IPO8: variants seen among roughly 807,000 people sequenced by gnomAD.
The protein encoded by IPO8 is importin 8, also known as importin-8.
Under a neutral mutation model 141.2 loss-of-function variants are expected in IPO8, and 65 were observed. The observed-to-expected ratio is 0.46, with a 90% CI of 0.38 to 0.57. The LOEUF is 0.57. Among genes scored for constraint, IPO8 ranks in the 20% least tolerant of loss-of-function variants. The probability of loss-of-function intolerance (pLI) is 0.00; values close to 1 mark genes in which losing one functional copy is unlikely to be tolerated. For missense variants in IPO8, 980 were observed against 1,246.8 expected (o/e 0.79, Z 3.22); for synonymous variants, 411 against 420.3 (o/e 0.98, Z 0.27).
At chr12:30,668,835 C>A (rs1465155448) in intron 10 of IPO8, among the ~76,000 whole-genome samples, 17 of 152,144 alleles carry the variant, frequency 1.1e-4, no homozygotes, top group Admixed American at 1.1e-3. Context: ...ATGCAGAAAT[C>A]CAAAGTATTT....
intron 1 of IPO8, chr12:30,694,997 A>C (rs1311760336): frequency 8.8e-6 from 4 of 456,062 alleles, no homozygotes; most frequent in South Asian, 6.2e-5. Flanking sequence ...TCTTAGATAA[A>C]GCAGTATCAC....
Position 30,695,599 on chromosome 12 carries a change from T to G in IPO8, c.49A>C (p.Lys17Gln). 4 of 1,614,046 alleles carry G rather than the reference T, an allele frequency of 2.5e-6. No homozygotes were observed. The highest frequency in any genetic ancestry group is 3.4e-6 in the Non-Finnish European group (4 of 1,179,944). The change falls in exon 1 of 25, where the codon AAG becomes CAG. Residue 17 changes from lysine to glutamine, a missense_variant. Around this residue, in one of 3 missense-constraint regions of IPO8, gnomAD observed 40 missense variants for 46.3 expected, o/e 0.86. Coordinates refer to ENST00000256079, the MANE Select transcript of IPO8 (RefSeq NM_006390.4). The surrounding 1 kb of genome is among the most constrained non-coding windows in gnomAD (Gnocchi z 4.2). ...TCGTTCTCGGCTGCAATCCGCAACT[T>G]CGGGTCGATGGTGCCCTTCAGCGCC... ...IQALKGTIDP[K>Q]LRIAAENELN... is the part of the protein sequence containing the mutation.
At chr12:30,641,455 A>G (rs2052572643) in intron 20 of IPO8, among the ~76,000 whole-genome samples, 4 of 149,422 alleles carry the variant, frequency 2.7e-5, no homozygotes, top group Admixed American at 2.7e-4. Flanking sequence ...AACTGTGTCT[A>G]TGGTTCCCAT....
At chr12:30,665,620 A>G in intron 12 of IPO8, 109 bp downstream of exon 12, 1 of 698,130 alleles carries the variant, frequency 1.4e-6, no homozygotes, top group East Asian at 2.7e-5. Context: ...TTGTGAACTC[A>G]ATTATCCAGA....
Position 30,637,118 on chromosome 12 carries a change from T to A in IPO8, c.2559A>T (p.Ala853=). The A allele has an allele frequency of 6.2e-7, 1 of 1,613,990 alleles. No homozygotes were observed. The highest frequency in any genetic ancestry group is 8.5e-7 in the Non-Finnish European group (1 of 1,179,962). The change falls in exon 22 of 25, where the codon GCA becomes GCT. Residue 853 remains alanine (A), a synonymous_variant. Transcript: ENST00000256079. ...CAATCTGTCCCACCACAGCATCTAC[T>A]GCAGGAGGTCGATTTTGCAATTCCA... ...ILLELQNRPP[A]VDAVVGQIVP...
Position 30,695,469 on chromosome 12 carries a change from G to A in IPO8, c.84+95C>T, listed in dbSNP as rs547719685. On this transcript the variant is annotated intron_variant, in intron 1 of 24. Transcript: ENST00000256079. This position sits in a 1 kb window ranked among gnomAD's most constrained non-coding sequence, Gnocchi z 4.2. The stretch of plus-strand genomic sequence containing the variant: ...GTGAGGCGTCAGCCCCAGCCCGGTG[G>A]GGGTGAGGACGAGGGGCGCCGGGGA... The A allele has an allele frequency of 6.4e-5, 70 of 1,092,798 alleles. 1 individual carries two copies. The Admixed American group carries it at 1.1e-3, about 17-fold the overall frequency. 67.7% of individuals were successfully genotyped at this position (1,092,798 alleles called of 1,614,324 possible).
At chr12:30,662,771 C>T (rs1169827266) in intron 14 of IPO8, among the ~76,000 whole-genome samples, 2 of 152,164 alleles carry the variant, frequency 1.3e-5, no homozygotes, top group Non-Finnish European at 2.9e-5. Context: ...TCTAATTATA[C>T]ATACACTTGG....
chr12:30,664,130 A>G (rs2052927959), intron 13 of IPO8, among the ~76,000 whole-genome samples: 1 of 152,180 alleles, frequency 6.6e-6, no homozygotes, highest in Admixed American at 6.5e-5. Context: ...ATTAGACCAC[A>G]GAATCATTAT....
At chr12:30,637,880 A>G (rs573885463) in intron 21 of IPO8, among the ~76,000 whole-genome samples, 1 of 152,362 alleles carries the variant, frequency 6.6e-6, no homozygotes, top group Non-Finnish European at 1.5e-5. Flanking sequence ...GTGAATAAAA[A>G]ATTCACTTGC....
chr12:30,637,018 G>A lies in IPO8; in HGVS notation c.2659C>T (p.Arg887Cys), dbSNP rs144980917. Residue 887 changes from arginine to cysteine, a missense_variant, in exon 22 of 25, where the codon CGT (arginine) becomes TGT (cysteine). Physicochemically the swap from Arg to Cys is radical, Grantham distance 180. Transcript: ENST00000256079. ...ATRQLVNRED[R>C]SKAEKADMEE... ...ATATCAGCTTTCTCTGCTTTTGAAC[G>A]ATCTTCCCGGTTTACCAGTTGTCTA... The A allele has an allele frequency of 3.5e-5, 57 of 1,613,938 alleles. No individual in the cohort carries two copies. The African/African-American group carries it at 5.7e-4, about 16-fold the overall frequency.
chr12:30,683,086 C>CA (rs2053205258), intron 3 of IPO8, among the ~76,000 whole-genome samples: 1 of 152,162 alleles, frequency 6.6e-6, no homozygotes, highest in Admixed American at 6.6e-5. Context: ...AGTCCTTTCT[C>CA]ATTCCAAGCA....
At chr12:30,632,036 C>T in intron 23 of IPO8, 25 bp from the exon 24 acceptor site, 1 of 1,453,634 alleles carries the variant, frequency 6.9e-7, no homozygotes, top group South Asian at 1.1e-5. Flanking sequence ...GAGGAAAAGA[C>T]AGGAGGGTAC....
At chr12:30,683,542 T>A (rs1250615678) in intron 3 of IPO8, among the ~76,000 whole-genome samples, 1 of 152,216 alleles carries the variant, frequency 6.6e-6, no homozygotes, top group Non-Finnish European at 1.5e-5. Context: ...GTTTCTCCTA[T>A]TTTAAGATTG....
At chr12:30,662,596 T>C (rs2052903868) in intron 14 of IPO8, 109 bp from the exon 15 acceptor site, 1 of 764,848 alleles carries the variant, frequency 1.3e-6, no homozygotes, top group Non-Finnish European at 2.3e-6. Flanking sequence ...TAAATCAGGT[T>C]CTAGATACAC....
chr12:30,664,272 T>A (rs1228511363), intron 13 of IPO8, among the ~76,000 whole-genome samples: 2 of 152,222 alleles, frequency 1.3e-5, no homozygotes, highest in African/African-American at 4.8e-5. Flanking sequence ...AATGCTCATG[T>A]GCCCTCAGCG....
chr12:30,689,882 A>G (rs1056434518), intron 2 of IPO8, among the ~76,000 whole-genome samples: 2 of 152,140 alleles, frequency 1.3e-5, no homozygotes, highest in African/African-American at 2.4e-5. Flanking sequence ...TACCTCCTTT[A>G]GCTTTTGATT....
chr12:30,649,228 A>G lies in IPO8; in HGVS notation c.2177T>C (p.Leu726Pro), dbSNP rs773440894. The G allele has an allele frequency of 5.6e-6, 9 of 1,609,926 alleles. No individual in the cohort carries two copies. Among genetic ancestry groups the G allele is most frequent in the Non-Finnish European group, 7.6e-6 (9 of 1,176,776 alleles). ...EILFTMCRKV[L>P]CGDAGEDAEC... ...TGCATCTTCTCCTGCATCTCCACAT[A>G]GTACCTGCAGTAATTACAATTTAGC... Residue 726 changes from leucine to proline, a missense_variant, in exon 20 of 25, where the codon CTA (leucine) becomes CCA (proline). Leu to Pro is a moderately conservative substitution (Grantham distance 98). Around this residue, in one of 3 missense-constraint regions of IPO8, gnomAD observed 924 missense variants for 1,153.9 expected, o/e 0.80. Coordinates refer to ENST00000256079, the MANE Select transcript of IPO8 (RefSeq NM_006390.4).
chr12:30,678,124 C>CA lies in IPO8; in HGVS notation c.640-1538dup, dbSNP rs35828691. Among the ~76,000 whole-genome samples the CA allele has an allele frequency of 7.6e-3, 579 of 76,108 alleles. 3 individuals carry two copies. Among genetic ancestry groups the CA allele is most frequent in the Middle Eastern group, 0.013 (2 of 158 alleles). The allele number at this position is 76,108 out of a possible 152,430, so 49.9% of individuals were successfully genotyped here. A position where few individuals can be genotyped will look rare whatever the true frequency, so the allele number is the denominator to read the frequency against. On this transcript the variant is annotated intron_variant, in intron 5 of 24. Coordinates refer to ENST00000256079, the MANE Select transcript of IPO8 (RefSeq NM_006390.4). Reference sequence around the variant, plus strand: ...CGGGCGACAGAGGGAGACTCCATCTCAAAAAAAAAAAAAAAAAAATTTAAA... The same window carrying CA: ...CGGGCGACAGAGGGAGACTCCATCTCAAAAAAAAAAAAAAAAAAAATTTAAA...
chr12:30,645,666 AC>A (rs531798328), intron 20 of IPO8, among the ~76,000 whole-genome samples: 99 of 152,262 alleles, frequency 6.5e-4, no homozygotes, highest in Non-Finnish European at 1.1e-3. Flanking sequence ...AAACCCAGGA[AC>A]AAAACAGGGT....
Sources: allele counts gnomAD v4.1 joint callset (sites outside exome capture counted in the v4.1 genomes callset), GRCh38; gene constraint gnomAD v4.1.1; regional missense constraint gnomAD v4.1.1; non-coding constraint Gnocchi (gnomAD v3.1); transcripts MANE v1.5; gene names NCBI Gene and HGNC (gene_info 2026-07-23, HGNC 2026-07-21).